The following CAPN5 variants were observed in gnomAD, a reference collection of about 807,000 sequenced individuals.
The protein encoded by CAPN5 is calpain-5.
CAPN5 carries 54 observed loss-of-function variants against 73.0 expected under a neutral mutation model. The ratio of observed to expected loss-of-function variants is 0.74; its 90% confidence interval spans 0.59 to 0.93. The LOEUF (loss-of-function observed/expected upper bound fraction) is 0.93, where lower values mean the gene tolerates loss of function less well. Among genes scored for constraint, CAPN5 ranks in the 40% least tolerant of loss-of-function variants. CAPN5 has a pLI of 0.00. For synonymous variants in CAPN5, 335 were observed against 356.9 expected, an observed-to-expected ratio of 0.94 and a Z score of 0.69; for missense variants, 785 against 882.9, an observed-to-expected ratio of 0.89 and a Z score of 1.41.
At chr11:77,070,821 G>C (rs939696424) in intron 1 of CAPN5, among the ~76,000 whole-genome samples, 1 of 152,100 alleles carries the variant, frequency 6.6e-6, no homozygotes, top group South Asian at 2.1e-4. Flanking sequence ...GCCTCCGGTG[G>C]CTGCTGGCAT....
At chr11:77,094,948 TG>T (rs1375733002) in intron 3 of CAPN5, among the ~76,000 whole-genome samples, 1 of 152,192 alleles carries the variant, frequency 6.6e-6, no homozygotes, top group Non-Finnish European at 1.5e-5. Flanking sequence ...GCAGTGCCCT[TG>T]GGCAAGGCTG....
In CAPN5 at chr11:77,119,031, A is replaced by G. The variant is rs1428965951; in HGVS notation, c.1169A>G (p.Tyr390Cys). Reference sequence around the variant, plus strand: ...CTCTCTCCTTGGCCACACCTGCAGTACATCTTCGAAGTCAAGAAGCCAGAA... The same window carrying G: ...CTCTCTCCTTGGCCACACCTGCAGTGCATCTTCGAAGTCAAGAAGCCAGAA... ...HKDTFFQNPQYIFEVKKPEDE... is the reference protein window; with the variant it reads ...HKDTFFQNPQCIFEVKKPEDE... Residue 390 changes from tyrosine to cysteine, a missense_variant and splice_region_variant, in exon 9 of 13, where the codon TAC (tyrosine) becomes TGC (cysteine). Physicochemically the swap from Tyr to Cys is radical, Grantham distance 194. Transcript: ENST00000648180. 1.9e-6 allele frequency: 3 copies of G among 1,612,070 alleles called. No individual in the cohort carries two copies. Among genetic ancestry groups the G allele is most frequent in the South Asian group, 1.1e-5 (1 of 90,542 alleles).
At chr11:77,100,726 G>A (rs1276274057) in intron 3 of CAPN5, among the ~76,000 whole-genome samples, 1 of 151,748 alleles carries the variant, frequency 6.6e-6, no homozygotes, top group Non-Finnish European at 1.5e-5. Context: ...AGTCACCTGG[G>A]CACAAAGGGC....
At chr11:77,092,791 A>G (rs1444643348) in intron 2 of CAPN5, among the ~76,000 whole-genome samples, 1 of 152,094 alleles carries the variant, frequency 6.6e-6, no homozygotes, top group Non-Finnish European at 1.5e-5. Context: ...ACATGGAGAA[A>G]CCCTGTCTCT....
chr11:77,085,953 A>T (rs1359593872), intron 2 of CAPN5, among the ~76,000 whole-genome samples: 1 of 151,880 alleles, frequency 6.6e-6, no homozygotes, highest in African/African-American at 2.4e-5. Flanking sequence ...GGAGGCTGTG[A>T]CTCCCGCAGC....
intron 3 of CAPN5, among the ~76,000 whole-genome samples, chr11:77,112,213 A>T (rs563473956): frequency 6.6e-6 from 1 of 152,104 alleles, no homozygotes; most frequent in East Asian, 1.9e-4. Context: ...CAAAGCAGCC[A>T]GTGGGGCTGC....
intron 3 of CAPN5, among the ~76,000 whole-genome samples, chr11:77,100,177 C>T (rs959679250): frequency 2.0e-5 from 3 of 152,160 alleles, no homozygotes; most frequent in Non-Finnish European, 4.4e-5. Context: ...ATTACATCTG[C>T]AAGTTTAGAG....
At chr11:77,074,370 G>A (rs1380210883) in intron 1 of CAPN5, among the ~76,000 whole-genome samples, 4 of 151,832 alleles carry the variant, frequency 2.6e-5, no homozygotes, top group East Asian at 1.9e-4. Flanking sequence ...CCCAGGCTCC[G>A]CCCACCCAGT....
At chr11:77,122,535 C>CCACCCCCCCCCACCCCCCCA in intron 11 of CAPN5, 41 bp from the exon 12 acceptor site, 1 of 1,255,172 alleles carries the variant, frequency 8.0e-7, no homozygotes, top group Non-Finnish European at 1.1e-6. Context: ...GCCACAGCCC[C>CCACCCCCCCCCACCCCCCCA]CACCCCCACC....
rs902000915 is a variant in CAPN5, at chr11:77,067,087, C to G, written c.-43C>G. On this transcript the variant is annotated 5_prime_UTR_variant, in exon 1 of 13. Coordinates refer to ENST00000648180, the MANE Select transcript of CAPN5 (RefSeq NM_004055.5). The stretch of plus-strand genomic sequence containing the variant: ...GGGAGCCCGGCTGGACCCGCGGCGG[C>G]TCGGCCGGTAGGAGGCGGGCGGAGG... 2.0e-5 allele frequency: 3 copies of G among 152,158 alleles called. No individual in the cohort carries two copies. The highest frequency in any genetic ancestry group is 4.4e-5 in the Non-Finnish European group (3 of 68,074). The allele number at this position is 152,158 out of a possible 1,614,324, so 9.4% of individuals were successfully genotyped here. A position where few individuals can be genotyped will look rare whatever the true frequency, so the allele number is the denominator to read the frequency against.
In CAPN5 at chr11:77,124,639, T is replaced by C. The variant is rs1453812183; in HGVS notation, c.*769T>C. The C allele has an allele frequency of 6.6e-6, 1 of 151,944 alleles. No individual in the cohort carries two copies. Among genetic ancestry groups the C allele is most frequent in the African/African-American group, 2.4e-5 (1 of 41,318 alleles). 9.4% of individuals were successfully genotyped at this position (151,944 alleles called of 1,614,324 possible). On this transcript the variant is annotated 3_prime_UTR_variant, in exon 13 of 13. Transcript: ENST00000648180. ...CCTGGAGAGGTGGCGTCAGTGGGGG[T>C]GAGGAAGGGCATCTTCCTGACTCCT...
At chr11:77,093,939 G>C in intron 3 of CAPN5, 126 bp downstream of exon 3, 1 of 1,404,186 alleles carries the variant, frequency 7.1e-7, no homozygotes, top group South Asian at 1.4e-5. Context: ...CAGGGATGGG[G>C]TGGGGGCCCC....
Position 77,115,483 on chromosome 11 carries a change from G to C in CAPN5, c.788G>C (p.Arg263Pro). 3.7e-6 allele frequency: 6 copies of C among 1,613,290 alleles called. No individual in the cohort carries two copies. The highest frequency in any genetic ancestry group is 5.1e-6 in the Non-Finnish European group (6 of 1,179,958). Residue 263 changes from arginine (R) to proline (P), a missense_variant, in exon 6 of 13, where the codon CGC becomes CCC. By Grantham distance (103) the Arg-to-Pro change is moderately radical. Transcript: ENST00000648180. ...AYAVTDVRKV[R>P]LGHGLLAFFK... ...GCCGTCACTGATGTGCGCAAGGTGC[G>C]CCTGGGCCACGGCCTACTGGCCTTC...
chr11:77,068,195 G>C (rs891620038), intron 1 of CAPN5, among the ~76,000 whole-genome samples: 1 of 152,290 alleles, frequency 6.6e-6, no homozygotes, highest in Non-Finnish European at 1.5e-5. Flanking sequence ...TGTCCCCAGG[G>C]TCTGGGGGTG....
At chr11:77,119,394 ACAGGC>A in intron 9 of CAPN5, 1 of 536,458 alleles carries the variant, frequency 1.9e-6, no homozygotes. Flanking sequence ...CCTAAGACCC[ACAGGC>A]CTGGGATGTT....
At chr11:77,088,135 T>C in intron 2 of CAPN5, 2 of 1,452,096 alleles carry the variant, frequency 1.4e-6, no homozygotes, top group African/African-American at 2.8e-5. Context: ...CATCTGGGTA[T>C]GAGCCTGGAG....
intron 12 of CAPN5, among the ~76,000 whole-genome samples, chr11:77,123,183 A>G (rs995174057): frequency 6.6e-6 from 1 of 152,166 alleles, no homozygotes; most frequent in Non-Finnish European, 1.5e-5. Flanking sequence ...ACTCAATACT[A>G]GGGAGCTCTC....
rs573764842 is a variant in CAPN5, at chr11:77,069,423, G to A, written c.-36+2329G>A. ...GGAAACAGTCCTCTCCTATTGAAAC[G>A]GAAGCCTCTCTTGGCTTTAGTGGGT... On this transcript the variant is annotated intron_variant, in intron 1 of 12. Transcript: ENST00000648180. Among the ~76,000 whole-genome samples, 7 of 152,252 alleles carry A rather than the reference G, an allele frequency of 4.6e-5. No homozygotes were observed. In the South Asian group the frequency reaches 6.2e-4, roughly 14 times the overall value.
chr11:77,084,412 A>G (rs1411935430), intron 1 of CAPN5, among the ~76,000 whole-genome samples: 2 of 152,178 alleles, frequency 1.3e-5, no homozygotes, highest in Non-Finnish European at 2.9e-5. Context: ...AGGTTTTCCC[A>G]CACCAGGCAG....
Sources: allele counts gnomAD v4.1 joint callset (sites outside exome capture counted in the v4.1 genomes callset), GRCh38; gene constraint gnomAD v4.1.1; transcripts MANE v1.5; gene names NCBI Gene and HGNC (gene_info 2026-07-23, HGNC 2026-07-21).